The following MOV10L1 variants were observed in gnomAD, a reference collection of about 807,000 sequenced individuals.
The protein encoded by MOV10L1 is RNA helicase Mov10l1.
A neutral mutation model predicts 143.8 loss-of-function variants in MOV10L1; 110 were observed. That is an observed-to-expected ratio of 0.76 (90% CI 0.66 to 0.90). The LOEUF (loss-of-function observed/expected upper bound fraction) is 0.90, where lower values mean the gene tolerates loss of function less well. MOV10L1 is among the 40% of genes least tolerant of loss of function. The pLI is 0.00. For missense variants in MOV10L1, 1,406 were observed against 1,526.8 expected, an observed-to-expected ratio of 0.92 and a Z score of 1.32; for synonymous variants, 593 against 581.1, an observed-to-expected ratio of 1.02 and a Z score of -0.29.
At position 50,126,338 on chromosome 22, in the gene MOV10L1, G is replaced by A. The variant is rs368525785; in HGVS notation, c.1818+66G>A. The A allele has an allele frequency of 8.7e-4, 1,094 of 1,253,354 alleles. 3 individuals carry two copies. The highest frequency in any genetic ancestry group is 7.7e-4 in the Non-Finnish European group (670 of 865,550). The allele number at this position is 1,253,354 out of a possible 1,614,324, so 77.6% of individuals were successfully genotyped here. On this transcript the variant is annotated intron_variant, in intron 12 of 26. Coordinates refer to ENST00000262794, the MANE Select transcript of MOV10L1 (RefSeq NM_018995.3). ...CCTTCTGACCGGTTGGAAAGGTAAC[G>A]TTCTCCCCACGGCTCTTGGGGAGAT...
chr22:50,099,864 T>A (rs1447052604), intron 3 of MOV10L1, among the ~76,000 whole-genome samples: 3 of 152,186 alleles, frequency 2.0e-5, no homozygotes, highest in Non-Finnish European at 4.4e-5. Flanking sequence ...TTGGGCATGC[T>A]TTGTTTGTTG....
At chr22:50,115,394 G>C in intron 8 of MOV10L1, 148 bp downstream of exon 8, 1 of 904,774 alleles carries the variant, frequency 1.1e-6, no homozygotes, top group East Asian at 3.1e-5. Flanking sequence ...GCGAAACCCC[G>C]CCTCTACTAA....
chr22:50,090,529 C>A, intron 1 of MOV10L1: 1 of 1,605,800 alleles, frequency 6.2e-7, no homozygotes, highest in South Asian at 1.1e-5. Context: ...CTAGAAAGCC[C>A]CGAAAAACGC....
chr22:50,152,224 C>T lies in MOV10L1; in HGVS notation c.2893-821C>T, dbSNP rs986408757. Among the ~76,000 whole-genome samples the T allele has an allele frequency of 4.6e-5, 7 of 152,210 alleles. No homozygotes were observed. Among genetic ancestry groups the T allele is most frequent in the African/African-American group, 1.7e-4 (7 of 41,442 alleles). On this transcript the variant is annotated intron_variant, in intron 21 of 26. Coordinates refer to ENST00000262794, the MANE Select transcript of MOV10L1 (RefSeq NM_018995.3). This position sits in a 1 kb window ranked among gnomAD's most constrained non-coding sequence, Gnocchi z 4.4. ...GAGGGAGAGCCCTAGGCTTGTTCTC[C>T]CCAGCAGTGTCTCCCCGAGGGACAG...
intron 15 of MOV10L1, among the ~76,000 whole-genome samples, chr22:50,139,293 T>C (rs1373492143): frequency 6.6e-6 from 1 of 152,002 alleles, no homozygotes; most frequent in Non-Finnish European, 1.5e-5. Context: ...GGAAACAGCA[T>C]AGAAGAACAT....
chr22:50,143,809 C>A (rs563002092), intron 17 of MOV10L1, among the ~76,000 whole-genome samples: 63 of 152,282 alleles, frequency 4.1e-4, no homozygotes, highest in African/African-American at 1.5e-3. Context: ...GTATTGAGCG[C>A]ACAATTGTAC....
chr22:50,090,655 C>T lies in MOV10L1; in HGVS notation c.97+470C>T, dbSNP rs768187535. The T allele has an allele frequency of 8.7e-4, 922 of 1,053,850 alleles. 11 individuals are homozygous for T. The highest frequency in any genetic ancestry group is 6.1e-4 in the Middle Eastern group (3 of 4,902). 65.3% of individuals were successfully genotyped at this position (1,053,850 alleles called of 1,614,324 possible). On this transcript the variant is annotated intron_variant, in intron 1 of 26. Transcript: ENST00000262794. ...CCGGGATGCGCCCGGATGCCCTCAC[C>T]GTTCCTTTCTCCTGAGGTGTTTGTG...
In MOV10L1 at chr22:50,151,861, G is replaced by A. The variant is rs937746293; in HGVS notation, c.2892+962G>A. Reference sequence around the variant, plus strand: ...CAGGTACAGAAAGACCCTGCCGCACGGGAGGTGAAGGCCTTGTCCTGTGTG... The same window carrying A: ...CAGGTACAGAAAGACCCTGCCGCACAGGAGGTGAAGGCCTTGTCCTGTGTG... On this transcript the variant is annotated intron_variant, in intron 21 of 26. Transcript: ENST00000262794. Among the ~76,000 whole-genome samples, 27 of 152,224 alleles carry A rather than the reference G, an allele frequency of 1.8e-4. 1 individual carries two copies. Among genetic ancestry groups the A allele is most frequent in the African/African-American group, 6.3e-4 (26 of 41,456 alleles).
rs1036310049 is a variant in MOV10L1, at chr22:50,152,373, G to A, written c.2893-672G>A. Among the ~76,000 whole-genome samples the A allele has an allele frequency of 6.6e-6, 1 of 152,208 alleles. No individual in the cohort carries two copies. The highest frequency in any genetic ancestry group is 2.4e-5 in the African/African-American group (1 of 41,456). ...ATGAGCAGGGTCAAGACTGAGCATT[G>A]CTCTGACTGGTTGAACTCCTGTAGT... On this transcript the variant is annotated intron_variant, in intron 21 of 26. Transcript: ENST00000262794. This position sits in a 1 kb window ranked among gnomAD's most constrained non-coding sequence, Gnocchi z 4.4.
At chr22:50,142,575 C>T (rs1296230193) in intron 16 of MOV10L1, among the ~76,000 whole-genome samples, 1 of 151,980 alleles carries the variant, frequency 6.6e-6, no homozygotes, top group Non-Finnish European at 1.5e-5. Context: ...CACCTGTCAT[C>T]CTAACACTTT....
chr22:50,121,934 C>A (rs1569296154), intron 10 of MOV10L1, among the ~76,000 whole-genome samples: 2 of 152,170 alleles, frequency 1.3e-5, no homozygotes, highest in Non-Finnish European at 2.9e-5. Flanking sequence ...ATGCATTTTT[C>A]TATTTCTGCA....
intron 13 of MOV10L1, among the ~76,000 whole-genome samples, chr22:50,130,579 G>A (rs1038964826): frequency 1.1e-5 from 1 of 92,118 alleles, no homozygotes; most frequent in Non-Finnish European, 2.5e-5. Flanking sequence ...GGACCAGGAG[G>A]GGGGTACTTT....
At chr22:50,137,829 A>AT (rs1011688438) in intron 15 of MOV10L1, among the ~76,000 whole-genome samples, 4 of 83,996 alleles carry the variant, frequency 4.8e-5, no homozygotes, top group Non-Finnish European at 8.3e-5. Context: ...AAATATACAT[A>AT]TTTTATATAT....
At chr22:50,106,169 T>C (rs1418549945) in intron 3 of MOV10L1, among the ~76,000 whole-genome samples, 4 of 152,126 alleles carry the variant, frequency 2.6e-5, no homozygotes, top group African/African-American at 9.7e-5. Context: ...CTTGTTTTTG[T>C]TTTTTAGAGA....
rs775482017 is a variant in MOV10L1, at chr22:50,112,806, G to A, written c.744-842G>A. Among the ~76,000 whole-genome samples, 6 of 152,340 alleles carry A rather than the reference G, an allele frequency of 3.9e-5. 1 individual carries two copies. The highest frequency in any genetic ancestry group is 1.3e-4 in the Admixed American group (2 of 15,302). ...CTGTGGGGGCTGAGCCACGCACCGGGCAGTCGCATCTGACGACTCCTTTCT... is the reference window on the plus strand; with the variant it reads ...CTGTGGGGGCTGAGCCACGCACCGGACAGTCGCATCTGACGACTCCTTTCT... On this transcript the variant is annotated intron_variant, in intron 5 of 26. Transcript: ENST00000262794.
At chr22:50,157,371 C>T (rs1363468326) in intron 22 of MOV10L1, among the ~76,000 whole-genome samples, 1 of 152,154 alleles carries the variant, frequency 6.6e-6, no homozygotes, top group Non-Finnish European at 1.5e-5. Flanking sequence ...TTAGTTATTG[C>T]CAGTGGCTTT....
At chr22:50,131,438 T>C (rs1461980657) in intron 13 of MOV10L1, among the ~76,000 whole-genome samples, 1 of 152,212 alleles carries the variant, frequency 6.6e-6, no homozygotes, top group Non-Finnish European at 1.5e-5. Context: ...ATGCAGAAAT[T>C]ATTAATTTTG....
At chr22:50,108,518 TG>T in intron 4 of MOV10L1, 138 bp from the exon 5 acceptor site, 2 of 893,880 alleles carry the variant, frequency 2.2e-6, no homozygotes, top group Non-Finnish European at 3.5e-6. Context: ...GGAGAATCAC[TG>T]GACCAGTGCT....
intron 16 of MOV10L1, among the ~76,000 whole-genome samples, chr22:50,142,569 T>A (rs1342020114): frequency 2.0e-5 from 3 of 152,030 alleles, no homozygotes; most frequent in Non-Finnish European, 4.4e-5. Context: ...GGCTCACACC[T>A]GTCATCCTAA....
Sources: gnomAD v4.1 joint callset for allele counts (sites outside exome capture counted in the v4.1 genomes callset) on GRCh38, gnomAD v4.1.1 for gene constraint, Gnocchi (gnomAD v3.1) non-coding constraint, MANE v1.5 for transcripts, NCBI Gene and HGNC (gene_info 2026-07-23, HGNC 2026-07-21) for gene names.